HERC1: variants seen among roughly 807,000 people sequenced by gnomAD.
HERC1 encodes HECT and RLD domain containing E3 ubiquitin protein ligase family member 1.
Under a neutral mutation model 554.3 loss-of-function variants are expected in HERC1, and 160 were observed. That is an observed-to-expected ratio of 0.29 (90% confidence interval 0.25 to 0.33). The LOEUF (loss-of-function observed/expected upper bound fraction) is 0.33. HERC1 is among the 10% of genes least tolerant of loss of function. HERC1 has a pLI of 1.00. For synonymous variants in HERC1, 2,175 were observed against 2,131.7 expected, an observed-to-expected ratio of 1.02 and a Z score of -0.56; for missense variants, 4,919 against 5,918.5, an observed-to-expected ratio of 0.83 and a Z score of 5.54.
At chr15:63,777,774 C>T (rs1005119856) in intron 1 of HERC1, among the ~76,000 whole-genome samples, 2 of 152,270 alleles carry the variant, frequency 1.3e-5, no homozygotes, top group African/African-American at 4.8e-5. Context: ...CCAGATTCCA[C>T]ATGAATTCTA....
intron 1 of HERC1, among the ~76,000 whole-genome samples, chr15:63,785,777 G>GA (rs2076418969): frequency 6.6e-6 from 1 of 151,922 alleles, no homozygotes; most frequent in Non-Finnish European, 1.5e-5. Flanking sequence ...AATAAAGAAG[G>GA]AAAGAAGGAA....
chr15:63,832,590 T>C (rs1267759266), intron 1 of HERC1, among the ~76,000 whole-genome samples: 4 of 152,140 alleles, frequency 2.6e-5, no homozygotes, highest in Non-Finnish European at 5.9e-5. Flanking sequence ...ATTGTAAAAA[T>C]ATAATATATA....
Position 63,727,841 on chromosome 15 carries a change from A to G in HERC1, c.3155-3T>C. 1 of 1,609,430 alleles carries G rather than the reference A, an allele frequency of 6.2e-7. No homozygotes were observed. The highest frequency in any genetic ancestry group is 8.5e-7 in the Non-Finnish European group (1 of 1,176,898). On this transcript the variant is annotated splice_region_variant and splice_polypyrimidine_tract_variant and intron_variant, in intron 16 of 77. Transcript: ENST00000443617. The surrounding 1 kb of genome is among the most constrained non-coding windows in gnomAD (Gnocchi z 4.3). ...AGCAGCTGAGACGTATATCACATCT[A>G]TGAAGGGCAAGAAATTAAACATGGG...
At chr15:63,814,870 C>A (rs530195693) in intron 1 of HERC1, among the ~76,000 whole-genome samples, 1 of 152,242 alleles carries the variant, frequency 6.6e-6, no homozygotes, top group African/African-American at 2.4e-5. Context: ...TTAAGAGGAT[C>A]AAATAAGAAT....
At chr15:63,811,062 G>C (rs1308554910) in intron 1 of HERC1, among the ~76,000 whole-genome samples, 2 of 151,884 alleles carry the variant, frequency 1.3e-5, no homozygotes, top group Admixed American at 1.3e-4. Context: ...TAGATTTAAA[G>C]AAACATAAAC....
rs1402305555 is a variant in HERC1 at position 63,640,367 on chromosome 15, G to C, written c.11686C>G (p.Leu3896Val). The C allele has an allele frequency of 1.2e-5, 20 of 1,613,712 alleles. No homozygotes were observed. The highest frequency in any genetic ancestry group is 2.2e-5 in the East Asian group (1 of 44,894). Residue 3896 changes from leucine (L) to valine (V), a missense_variant, in exon 61 of 78, where the codon CTG (leucine) becomes GTG (valine). Leu to Val is a conservative substitution (Grantham distance 32). Transcript: ENST00000443617. Reference sequence around the variant, plus strand: ...GGAGGGTTACACAACAGCTGATCCAGATGAAGTCCCACAGCAAGGGAAGCC... The same window carrying C: ...GGAGGGTTACACAACAGCTGATCCACATGAAGTCCCACAGCAAGGGAAGCC... Reference protein sequence around the residue: ...CLASLAVGLHLDQLLCNPPVP... With the variant: ...CLASLAVGLHVDQLLCNPPVP...
chr15:63,708,031 C>A (rs1210922947), intron 24 of HERC1, among the ~76,000 whole-genome samples: 1 of 151,622 alleles, frequency 6.6e-6, no homozygotes, highest in Non-Finnish European at 1.5e-5. Context: ...ATACATGTAC[C>A]CCTGGTGCAG....
At chr15:63,751,293 C>G (rs1368967954) in intron 8 of HERC1, among the ~76,000 whole-genome samples, 3 of 152,140 alleles carry the variant, frequency 2.0e-5, no homozygotes, top group Non-Finnish European at 4.4e-5. Flanking sequence ...GTATTCAGTA[C>G]AGTAACATGC....
At chr15:63,764,255 T>G (rs1007020780) in intron 2 of HERC1, 64 bp from the exon 3 acceptor site, 50 of 1,092,748 alleles carry the variant, frequency 4.6e-5, no homozygotes, top group Non-Finnish European at 6.1e-5. Flanking sequence ...TAAAATTAGT[T>G]AAACAGTCTA....
In HERC1 at chr15:63,718,323, ATCAT is replaced by A. The variant is rs1180951314; in HGVS notation, c.3978+247_3978+250del. On this transcript the variant is annotated intron_variant, in intron 21 of 77. Coordinates refer to ENST00000443617, the MANE Select transcript of HERC1 (RefSeq NM_003922.4). This position sits in a 1 kb window ranked among gnomAD's most constrained non-coding sequence, Gnocchi z 4.2. ...AGGAATAATCATTCATATGATTTGA[ATCAT>A]TCAATTTGTTATTAATATTTATGCA... is the stretch of plus-strand genomic sequence containing the variant. 5.3e-6 allele frequency: 2 copies of A among 374,458 alleles called. No individual in the cohort carries two copies. Among genetic ancestry groups the A allele is most frequent in the African/African-American group, 4.1e-5 (2 of 48,496 alleles). The allele number at this position is 374,458 out of a possible 1,614,324, so 23.2% of individuals were successfully genotyped here.
At chr15:63,644,951 T>G in intron 57 of HERC1, 41 bp downstream of exon 57, 9 of 1,427,328 alleles carry the variant, frequency 6.3e-6, no homozygotes, top group Non-Finnish European at 8.9e-6. Context: ...TCATATACTT[T>G]CCATAGTTTC....
At chr15:63,701,743 ATATT>A (rs2072732136) in intron 25 of HERC1, among the ~76,000 whole-genome samples, 1 of 152,074 alleles carries the variant, frequency 6.6e-6, no homozygotes, top group African/African-American at 2.4e-5. Context: ...TTCCATCAAA[ATATT>A]TAGTTTGACA....
chr15:63,760,232 A>T (rs796846640), intron 3 of HERC1, among the ~76,000 whole-genome samples: 63 of 152,110 alleles, frequency 4.1e-4, no homozygotes, highest in African/African-American at 1.4e-3. Flanking sequence ...ATTACACACA[A>T]AAAAAAACAG....
rs377533574 is a variant in HERC1 at position 63,694,324 on chromosome 15, G to A, written c.5468C>T (p.Ala1823Val). Residue 1823 changes from alanine to valine, a missense_variant, in exon 29 of 78, where the codon GCC becomes GTC. By Grantham distance (64) the Ala-to-Val change is moderately conservative. Transcript: ENST00000443617. The surrounding 1 kb of genome is among the most constrained non-coding windows in gnomAD (Gnocchi z 4.3). ...CTACCATACTTACCCAGTAGTGATG[G>A]CTAGAATCTGGAGCAACCTTGTACT... Reference protein sequence around the residue: ...VASTRLLQILAITTGTYADKL... With the variant: ...VASTRLLQILVITTGTYADKL... 6.2e-7 allele frequency: 1 copy of A among 1,612,834 alleles called. No homozygotes were observed. The highest frequency in any genetic ancestry group is 8.5e-7 in the Non-Finnish European group (1 of 1,179,368).
intron 48 of HERC1, among the ~76,000 whole-genome samples, chr15:63,658,188 C>T (rs2070155420): frequency 6.6e-6 from 1 of 152,162 alleles, no homozygotes; most frequent in African/African-American, 2.4e-5. Context: ...GCAAGGATCC[C>T]CATGATGGCA....
Position 63,803,009 on chromosome 15 carries a change from A to T in HERC1, c.-26-27360T>A, listed in dbSNP as rs556319079. Among the ~76,000 whole-genome samples the T allele has an allele frequency of 3.9e-5, 6 of 152,268 alleles. No homozygotes were observed. The South Asian group carries it at 1.2e-3, about 32-fold the overall frequency. The stretch of plus-strand genomic sequence containing the variant: ...AGGCTCACTTGAGCCCAGGAGTTTG[A>T]GACTAGCCTGGGTGACATAATGAGA... On this transcript the variant is annotated intron_variant, in intron 1 of 77. Coordinates refer to ENST00000443617, the MANE Select transcript of HERC1 (RefSeq NM_003922.4).
chr15:63,725,047 T>G (rs2073984114), intron 18 of HERC1, among the ~76,000 whole-genome samples: 1 of 152,034 alleles, frequency 6.6e-6, no homozygotes, highest in Non-Finnish European at 1.5e-5. Context: ...TCAAAATGAG[T>G]GATAAATATG....
chr15:63,783,144 T>C (rs138912779), intron 1 of HERC1, among the ~76,000 whole-genome samples: 1 of 152,368 alleles, frequency 6.6e-6, no homozygotes, highest in African/African-American at 2.4e-5. Context: ...ACTGACTCCT[T>C]TTGAATTTTG....
intron 71 of HERC1, 140 bp downstream of exon 71, chr15:63,625,844 TG>T: frequency 1.2e-6 from 1 of 842,624 alleles, no homozygotes. Flanking sequence ...AGCAATAAAA[TG>T]GGAATAGAAG....
Sources: allele counts gnomAD v4.1 joint callset (sites outside exome capture counted in the v4.1 genomes callset), GRCh38; gene constraint gnomAD v4.1.1; non-coding constraint Gnocchi (gnomAD v3.1); transcripts MANE v1.5; gene names NCBI Gene and HGNC (gene_info 2026-07-23, HGNC 2026-07-21).